The following ZBTB20 variants were observed in gnomAD, a reference collection of about 807,000 sequenced individuals.
The protein encoded by ZBTB20 is zinc finger and BTB domain containing 20, also known as zinc finger and BTB domain-containing protein 20.
Under a neutral mutation model 56.9 loss-of-function variants are expected in ZBTB20, and 9 were observed. The ratio of observed to expected loss-of-function variants is 0.16; its 90% CI spans 0.10 to 0.28. The LOEUF (loss-of-function observed/expected upper bound fraction) is 0.28, where lower values mean the gene tolerates loss of function less well. Ranked by LOEUF, ZBTB20 falls within the 10% of genes least tolerant of loss-of-function variation. The probability of loss-of-function intolerance (pLI) is 1.00; values close to 1 mark genes in which losing one functional copy is unlikely to be tolerated. For missense variants in ZBTB20, 655 were observed against 1,003.0 expected (o/e 0.65, Z 4.69); for synonymous variants, 417 against 420.7 (o/e 0.99, Z 0.11).
chr3:115,055,950 C>G (rs1344858541), intron 2 of ZBTB20, among the ~76,000 whole-genome samples: 1 of 151,952 alleles, frequency 6.6e-6, no homozygotes, highest in Non-Finnish European at 1.5e-5. Flanking sequence ...GGTAAAGACC[C>G]TCAAAAAGTT....
At chr3:114,929,802 T>C (rs2076290183) in intron 3 of ZBTB20, among the ~76,000 whole-genome samples, 1 of 152,246 alleles carries the variant, frequency 6.6e-6, no homozygotes, top group South Asian at 2.1e-4. Flanking sequence ...AATTAATCTA[T>C]CATCAGGCTA....
chr3:114,695,432 C>T (rs1284863292), intron 5 of ZBTB20, among the ~76,000 whole-genome samples: 1 of 152,012 alleles, frequency 6.6e-6, no homozygotes, highest in Non-Finnish European at 1.5e-5. Flanking sequence ...TTTGAAAGGT[C>T]AGTCCTGCCC....
chr3:114,863,710 G>A (rs778939386), intron 4 of ZBTB20, among the ~76,000 whole-genome samples: 1 of 152,078 alleles, frequency 6.6e-6, no homozygotes, highest in East Asian at 1.9e-4. Flanking sequence ...TAATCTGCCC[G>A]AGAGGTTCTG....
intron 3 of ZBTB20, among the ~76,000 whole-genome samples, chr3:114,903,405 C>T: frequency 6.6e-6 from 1 of 151,922 alleles, no homozygotes; most frequent in Non-Finnish European, 1.5e-5. Flanking sequence ...CATGTCTGTC[C>T]CTTTAAGCTA....
chr3:114,550,586 T>G (rs908912198), intron 6 of ZBTB20, among the ~76,000 whole-genome samples: 34 of 152,170 alleles, frequency 2.2e-4, no homozygotes, highest in African/African-American at 8.2e-4. Flanking sequence ...TAAATAATGC[T>G]TTTTGGGGGG....
At chr3:114,913,897 T>C (rs572841084) in intron 3 of ZBTB20, among the ~76,000 whole-genome samples, 3 of 152,146 alleles carry the variant, frequency 2.0e-5, no homozygotes, top group African/African-American at 7.2e-5. Flanking sequence ...ACTGTAAACG[T>C]ATGAATTTGC....
intron 3 of ZBTB20, among the ~76,000 whole-genome samples, chr3:114,928,777 A>C (rs530153313): frequency 6.6e-6 from 1 of 152,334 alleles, no homozygotes; most frequent in African/African-American, 2.4e-5. Context: ...TGTGCTGTAA[A>C]TTTCAAGAAA....
At chr3:114,980,061 G>A (rs1213251440) in intron 2 of ZBTB20, among the ~76,000 whole-genome samples, 1 of 151,940 alleles carries the variant, frequency 6.6e-6, no homozygotes, top group Non-Finnish European at 1.5e-5. Context: ...AGTACAGAAA[G>A]ATTAGGTACT....
chr3:115,000,993 T>A (rs1253343212), intron 2 of ZBTB20, among the ~76,000 whole-genome samples: 1 of 150,924 alleles, frequency 6.6e-6, no homozygotes, highest in East Asian at 2.0e-4. Context: ...ACTAGCAAAA[T>A]CTTTCATCTG....
At chr3:114,389,927 T>C (rs1009829971) in intron 7 of ZBTB20, among the ~76,000 whole-genome samples, 1 of 151,634 alleles carries the variant, frequency 6.6e-6, no homozygotes, top group African/African-American at 2.4e-5. Context: ...CTCATGTATT[T>C]ATCACTTTTT....
chr3:114,589,431 A>G (rs962780260), intron 6 of ZBTB20, among the ~76,000 whole-genome samples: 23 of 152,170 alleles, frequency 1.5e-4, no homozygotes, highest in Admixed American at 3.3e-4. Flanking sequence ...ATTTGGATGC[A>G]GGTAGTACTG....
intron 4 of ZBTB20, among the ~76,000 whole-genome samples, chr3:114,832,612 G>A (rs1346404789): frequency 1.3e-5 from 2 of 152,010 alleles, no homozygotes; most frequent in Non-Finnish European, 2.9e-5. Context: ...TGATGTCCTT[G>A]TAAATCTAAA....
intron 6 of ZBTB20, 97 bp from the exon 7 acceptor site, chr3:114,500,488 GC>G (rs1415790269): frequency 6.6e-6 from 1 of 152,138 alleles, no homozygotes; most frequent in Non-Finnish European, 1.5e-5. Context: ...AAGAAAGAAA[GC>G]AAATCTAGGC....
At chr3:114,932,477 TCA>T (rs1164139877) in intron 3 of ZBTB20, among the ~76,000 whole-genome samples, 1 of 152,226 alleles carries the variant, frequency 6.6e-6, no homozygotes, top group East Asian at 1.9e-4. Flanking sequence ...TTGTTTGACA[TCA>T]CAGATATTAT....
chr3:114,372,314 C>A (rs1485398780), intron 10 of ZBTB20, among the ~76,000 whole-genome samples: 1 of 152,214 alleles, frequency 6.6e-6, no homozygotes, highest in African/African-American at 2.4e-5. Flanking sequence ...TGGGCCCTAA[C>A]AATTACATGT....
chr3:114,723,133 G>A (rs1414820365), intron 5 of ZBTB20, among the ~76,000 whole-genome samples: 2 of 151,982 alleles, frequency 1.3e-5, no homozygotes, highest in African/African-American at 2.4e-5. Flanking sequence ...ACATTTGCAA[G>A]GTTATACCCT....
chr3:114,657,435 T>C (rs1216190519), intron 6 of ZBTB20, among the ~76,000 whole-genome samples: 2 of 152,228 alleles, frequency 1.3e-5, no homozygotes, highest in Middle Eastern at 3.2e-3. Context: ...TTCAGCTCTT[T>C]TAGCTTTCTA....
At chr3:114,826,548 A>C (rs186661793) in intron 4 of ZBTB20, among the ~76,000 whole-genome samples, 37 of 151,914 alleles carry the variant, frequency 2.4e-4, no homozygotes, top group Non-Finnish European at 4.6e-4. Flanking sequence ...AAACAGAAAC[A>C]ATTTTGAAGT....
intron 7 of ZBTB20, among the ~76,000 whole-genome samples, chr3:114,477,882 TTTTCTTTC>T (rs146876949): frequency 1.4e-5 from 2 of 147,396 alleles, no homozygotes; most frequent in Admixed American, 7.0e-5. Flanking sequence ...TTCCTTCCTT[TTTTCTTTC>T]TTTCTTTCTT....
Sources: gnomAD v4.1 joint callset for allele counts (sites outside exome capture counted in the v4.1 genomes callset) on GRCh38, gnomAD v4.1.1 for gene constraint, MANE v1.5 for transcripts, NCBI Gene and HGNC (gene_info 2026-07-23, HGNC 2026-07-21) for gene names.